Variants in RBFOX1 observed in about 807,000 individuals in gnomAD.
RBFOX1 encodes the protein RNA binding protein fox-1 homolog 1.
RBFOX1 carries 8 observed loss-of-function variants against 57.7 expected under a neutral mutation model. The observed-to-expected ratio is 0.14, with a 90% CI of 0.08 to 0.25. RBFOX1 has a LOEUF of 0.25. Ranked by LOEUF, RBFOX1 falls within the 10% of genes least tolerant of loss-of-function variation. RBFOX1 has a pLI of 1.00. For synonymous variants in RBFOX1, 326 were observed against 222.4 expected (o/e 1.47, Z -4.15); for missense variants, 611 against 548.5 (o/e 1.11, Z -1.14).
At chr16:7,011,159 G>A (rs770159976) in intron 3 of RBFOX1, among the ~76,000 whole-genome samples, 10 of 151,924 alleles carry the variant, frequency 6.6e-5, no homozygotes, top group Non-Finnish European at 1.2e-4. Context: ...AAAAACTGCA[G>A]ACAGATTTGG....
chr16:5,315,676 A>G (rs185487902), intron 1 of RBFOX1, among the ~76,000 whole-genome samples: 2 of 152,266 alleles, frequency 1.3e-5, no homozygotes, highest in Non-Finnish European at 2.9e-5. Context: ...GCCATTTTAA[A>G]TTTGCTTTGC....
chr16:7,678,870 G>A lies in RBFOX1; in HGVS notation c.995+2032G>A, dbSNP rs560293782. 3.9e-5 allele frequency among the ~76,000 whole-genome samples: 6 copies of A among 152,192 alleles called. No individual in the cohort carries two copies. In the South Asian group the frequency reaches 1.0e-3, roughly 26 times the overall value. ...CCACTGAAAGATTGCCCTTGTTCTT[G>A]GATTGGTGAATCTTTAATAACTGCA... On this transcript the variant is annotated intron_variant, in intron 14 of 15. Coordinates refer to ENST00000550418, the MANE Select transcript of RBFOX1 (RefSeq NM_018723.4).
chr16:5,778,620 A>C (rs1005077993), intron 3 of RBFOX1, among the ~76,000 whole-genome samples: 1 of 152,126 alleles, frequency 6.6e-6, no homozygotes, highest in Non-Finnish European at 1.5e-5. Flanking sequence ...TGTACCAAGT[A>C]GGTTTGACTC....
intron 4 of RBFOX1, among the ~76,000 whole-genome samples, chr16:7,258,608 T>C (rs1396710193): frequency 6.6e-6 from 1 of 152,216 alleles, no homozygotes; most frequent in African/African-American, 2.4e-5. Context: ...GAGATCTATA[T>C]ATCATATAAG....
intron 1 of RBFOX1, among the ~76,000 whole-genome samples, chr16:5,369,189 AC>A (rs2065799541): frequency 6.6e-6 from 1 of 152,122 alleles, no homozygotes. Flanking sequence ...TTTAGTGGAG[AC>A]TGGGTTTTAC....
intron 3 of RBFOX1, among the ~76,000 whole-genome samples, chr16:6,910,802 G>T (rs1046514024): frequency 6.6e-6 from 1 of 152,162 alleles, no homozygotes; most frequent in East Asian, 1.9e-4. Context: ...TGAGAAGGTT[G>T]TTTCCTTTTC....
At chr16:7,420,958 C>CATAT (rs1438388550) in intron 4 of RBFOX1, among the ~76,000 whole-genome samples, 5 of 146,388 alleles carry the variant, frequency 3.4e-5, no homozygotes, top group African/African-American at 1.3e-4. Flanking sequence ...CACACACACA[C>CATAT]ACATATATAT....
chr16:6,759,197 C>T (rs1465095710), intron 3 of RBFOX1, among the ~76,000 whole-genome samples: 1 of 150,132 alleles, frequency 6.7e-6, no homozygotes, highest in South Asian at 2.1e-4. Flanking sequence ...GTTGCCCAGG[C>T]TGGAGTGCAG....
At chr16:7,504,761 A>ATATATT (rs2072511712) in intron 4 of RBFOX1, among the ~76,000 whole-genome samples, 1 of 12,170 alleles carries the variant, frequency 8.2e-5, no homozygotes, top group Non-Finnish European at 2.9e-4. Context: ...ATATTTATAT[A>ATATATT]TATATATATT....
Position 5,850,684 on chromosome 16 carries a change from G to A in RBFOX1, c.319-16619G>A, listed in dbSNP as rs549611461. On this transcript the variant is annotated intron_variant, in intron 3 of 19. Transcript: ENST00000641259. ...CTCAGTGAACAGATGAGGAAACTGAGGCTCAGAGAACTGGAGCATTGCCTC... is the reference window on the plus strand; with the variant it reads ...CTCAGTGAACAGATGAGGAAACTGAAGCTCAGAGAACTGGAGCATTGCCTC... Among the ~76,000 whole-genome samples, 22 of 152,324 alleles carry A rather than the reference G, an allele frequency of 1.4e-4. No individual in the cohort carries two copies. The South Asian group carries it at 4.3e-3, about 30-fold the overall frequency.
At chr16:6,754,513 C>T (rs544364568) in intron 3 of RBFOX1, among the ~76,000 whole-genome samples, 8 of 152,122 alleles carry the variant, frequency 5.3e-5, no homozygotes, top group Non-Finnish European at 5.9e-5. Context: ...AAGCACTCTT[C>T]GGGTTCCCAC....
intron 3 of RBFOX1, among the ~76,000 whole-genome samples, chr16:5,863,398 G>A (rs1269527414): frequency 6.6e-6 from 1 of 152,154 alleles, no homozygotes; most frequent in African/African-American, 2.4e-5. Context: ...CAGACACTCT[G>A]ATGACTGCTG....
At chr16:6,401,716 C>T (rs1004792054) in intron 2 of RBFOX1, among the ~76,000 whole-genome samples, 13 of 151,818 alleles carry the variant, frequency 8.6e-5, no homozygotes, top group Non-Finnish European at 1.3e-4. Flanking sequence ...ACGCAGAGAA[C>T]GAAGGAAGAA....
At chr16:7,071,356 G>C (rs527298777) in intron 4 of RBFOX1, among the ~76,000 whole-genome samples, 3 of 152,226 alleles carry the variant, frequency 2.0e-5, no homozygotes, top group African/African-American at 7.2e-5. Context: ...CGATTTGTTA[G>C]TCATGAAATT....
At chr16:6,183,956 T>C (rs1245155088) in intron 1 of RBFOX1, among the ~76,000 whole-genome samples, 1 of 151,790 alleles carries the variant, frequency 6.6e-6, no homozygotes, top group Admixed American at 6.6e-5. Context: ...TACCTGAGAG[T>C]GGGTCATTTA....
chr16:6,023,794 G>A (rs1036424386), intron 1 of RBFOX1, among the ~76,000 whole-genome samples: 7 of 152,226 alleles, frequency 4.6e-5, no homozygotes, highest in South Asian at 4.2e-4. Context: ...GTGTCGTGCC[G>A]GAGACCTCAA....
At chr16:6,136,285 C>T (rs1355579451) in intron 1 of RBFOX1, among the ~76,000 whole-genome samples, 1 of 152,140 alleles carries the variant, frequency 6.6e-6, no homozygotes, top group Non-Finnish European at 1.5e-5. Flanking sequence ...CATGCTGGCT[C>T]CCCTTGGTTT....
At chr16:7,062,211 C>G (rs1407934960) in intron 4 of RBFOX1, among the ~76,000 whole-genome samples, 2 of 148,624 alleles carry the variant, frequency 1.3e-5, no homozygotes, top group Non-Finnish European at 3.0e-5. Flanking sequence ...TCCAGCTACT[C>G]AGGAGGCTGA....
rs536919185 is a variant in RBFOX1, at chr16:6,838,823, T to C, written c.-16+184173T>C. 2.0e-5 allele frequency among the ~76,000 whole-genome samples: 3 copies of C among 152,264 alleles called. No homozygotes were observed. The South Asian group carries it at 6.2e-4, about 32-fold the overall frequency. On this transcript the variant is annotated intron_variant, in intron 3 of 15. Transcript: ENST00000550418. ...TATATCAGAATACTCCATTCTCAGC[T>C]TTCTCAGGTGCTTCCCCGTCATACT...
Sources: allele counts gnomAD v4.1 joint callset (sites outside exome capture counted in the v4.1 genomes callset), GRCh38; gene constraint gnomAD v4.1.1; transcripts MANE v1.5; gene names NCBI Gene and HGNC (gene_info 2026-07-23, HGNC 2026-07-21).